CHRM3: variants seen among roughly 807,000 people sequenced by gnomAD.
CHRM3 encodes muscarinic acetylcholine receptor M3.
In CHRM3, 11 loss-of-function variants were observed where a neutral mutation model predicts 41.8. That is an observed-to-expected ratio of 0.26 (90% confidence interval 0.17 to 0.44). The LOEUF (loss-of-function observed/expected upper bound fraction) is 0.44. Ranked by LOEUF, CHRM3 falls within the 20% of genes least tolerant of loss-of-function variation. CHRM3 has a pLI of 1.00. For synonymous variants in CHRM3, 297 were observed against 301.4 expected (o/e 0.99, Z 0.15); for missense variants, 571 against 745.4 (o/e 0.77, Z 2.72).
intron 1 of CHRM3, among the ~76,000 whole-genome samples, chr1:239,479,195 C>T (rs376599981): frequency 6.2e-5 from 8 of 128,812 alleles, no homozygotes; most frequent in African/African-American, 2.0e-4. Context: ...AAAAACCACA[C>T]ACACACACAC....
intron 2 of CHRM3, among the ~76,000 whole-genome samples, chr1:239,497,530 A>G (rs954093182): frequency 1.3e-5 from 2 of 152,194 alleles, no homozygotes; most frequent in African/African-American, 4.8e-5. Flanking sequence ...TATCTGTTCC[A>G]AGGTCTTCCT....
At chr1:239,731,618 A>G (rs1663974845) in intron 5 of CHRM3, among the ~76,000 whole-genome samples, 2 of 151,994 alleles carry the variant, frequency 1.3e-5, no homozygotes, top group Non-Finnish European at 1.5e-5. Context: ...AAGGGAGGGT[A>G]GAGTGGAGTG....
At chr1:239,694,637 A>T (rs1660013591) in intron 5 of CHRM3, among the ~76,000 whole-genome samples, 1 of 152,170 alleles carries the variant, frequency 6.6e-6, no homozygotes, top group Non-Finnish European at 1.5e-5. Flanking sequence ...TACCTTAAGG[A>T]TCAGAGCTTA....
At chr1:239,761,996 G>C (rs1024881940) in intron 5 of CHRM3, among the ~76,000 whole-genome samples, 1 of 152,154 alleles carries the variant, frequency 6.6e-6, no homozygotes, top group African/African-American at 2.4e-5. Context: ...CCCGGGAGTA[G>C]ACTGGAATGA....
intron 4 of CHRM3, among the ~76,000 whole-genome samples, chr1:239,677,088 C>T (rs1223851311): frequency 5.3e-5 from 8 of 152,130 alleles, no homozygotes; most frequent in African/African-American, 1.9e-4. Flanking sequence ...ATACAAGACT[C>T]AGGTTAAAGA....
chr1:239,690,063 A>AGAGAGAG lies in CHRM3; in HGVS notation c.-147+11779_-147+11780insGAGGAGA, dbSNP rs3063607. On this transcript the variant is annotated intron_variant, in intron 5 of 6. Transcript: ENST00000676153. ...GAGAGACACAGAGAGAGAGAGAGAG[A>AGAGAGAG]GAGACAGAGAGAGTTGTTGGGTGGA... is the stretch of plus-strand genomic sequence containing the variant. Among the ~76,000 whole-genome samples the AGAGAGAG allele has an allele frequency of 2.5e-3, 370 of 150,642 alleles. 2 individuals are homozygous for AGAGAGAG. The highest frequency in any genetic ancestry group is 0.012 in the South Asian group (57 of 4,772).
At chr1:239,455,826 G>T (rs1165728687) in intron 1 of CHRM3, among the ~76,000 whole-genome samples, 3 of 152,148 alleles carry the variant, frequency 2.0e-5, no homozygotes, top group African/African-American at 7.2e-5. Flanking sequence ...TAAGTGTAAA[G>T]TGTTTATAAA....
intron 5 of CHRM3, chr1:239,707,336 A>AT (rs1262937011): frequency 6.6e-6 from 1 of 152,192 alleles, no homozygotes; most frequent in Non-Finnish European, 1.5e-5. Context: ...CTAAAAAAAA[A>AT]TTAGCTGCAT....
intron 6 of CHRM3, among the ~76,000 whole-genome samples, chr1:239,900,634 A>G (rs1331493995): frequency 1.3e-5 from 2 of 152,054 alleles, no homozygotes; most frequent in Non-Finnish European, 2.9e-5. Context: ...ATTGGGGAGC[A>G]CCAGGAATGT....
At chr1:239,867,700 G>T (rs1026965129) in intron 6 of CHRM3, among the ~76,000 whole-genome samples, 1 of 128,844 alleles carries the variant, frequency 7.8e-6, no homozygotes, top group African/African-American at 2.6e-5. Context: ...AAAAAAAAAA[G>T]TCGTGTCCAG....
intron 5 of CHRM3, among the ~76,000 whole-genome samples, chr1:239,696,665 A>T (rs943720990): frequency 1.3e-5 from 2 of 152,242 alleles, no homozygotes; most frequent in East Asian, 1.9e-4. Context: ...ATTCAGTAGC[A>T]TACTGGCACA....
At chr1:239,875,837 G>GGCAATATCAAATGAATTAAAAGGCA (rs1423843083) in intron 6 of CHRM3, among the ~76,000 whole-genome samples, 3 of 152,098 alleles carry the variant, frequency 2.0e-5, no homozygotes, top group Non-Finnish European at 2.9e-5. Flanking sequence ...TTTCTTCCAA[G>GGCAATATCAAATGAATTAAAAGGCA]GCAATATCAA....
intron 5 of CHRM3, among the ~76,000 whole-genome samples, chr1:239,759,168 TG>T (rs1558518433): frequency 0.026 from 3,576 of 136,580 alleles, 149 homozygotes; most frequent in East Asian, 0.12. Flanking sequence ...TTTTTTTTTT[TG>T]TTTTTTTTTT....
In CHRM3 at chr1:239,619,010, G is replaced by A. The variant is rs561501312; in HGVS notation, c.-312-13214G>A. On this transcript the variant is annotated intron_variant, in intron 3 of 6. Coordinates refer to ENST00000676153, the MANE Select transcript of CHRM3 (RefSeq NM_001375978.1). ...GCTCACTGCAACCTCCGCCTCCTGGGCTCAAGTAATTCTCTTGCCTCAGCC... is the reference window on the plus strand; with the variant it reads ...GCTCACTGCAACCTCCGCCTCCTGGACTCAAGTAATTCTCTTGCCTCAGCC... Among the ~76,000 whole-genome samples the A allele has an allele frequency of 1.3e-3, 201 of 151,318 alleles. 1 individual carries two copies. Among genetic ancestry groups the A allele is most frequent in the Middle Eastern group, 3.4e-3 (1 of 294 alleles).
At chr1:239,635,822 A>G (rs903311822) in intron 4 of CHRM3, among the ~76,000 whole-genome samples, 2 of 152,182 alleles carry the variant, frequency 1.3e-5, no homozygotes, top group African/African-American at 4.8e-5. Flanking sequence ...GCCCCCTGCA[A>G]GAGGCTTAGT....
chr1:239,857,152 A>G (rs1205385547), intron 6 of CHRM3, among the ~76,000 whole-genome samples: 1 of 152,180 alleles, frequency 6.6e-6, no homozygotes, highest in Admixed American at 6.5e-5. Flanking sequence ...AAAAACCAGG[A>G]GGGTAGAAAT....
chr1:239,556,311 C>T (rs1660351024), intron 3 of CHRM3, among the ~76,000 whole-genome samples: 1 of 151,956 alleles, frequency 6.6e-6, no homozygotes, highest in East Asian at 1.9e-4. Flanking sequence ...TGGAGTCATT[C>T]CTGACAATTT....
At chr1:239,674,014 G>T (rs746527342) in intron 4 of CHRM3, among the ~76,000 whole-genome samples, 7 of 152,024 alleles carry the variant, frequency 4.6e-5, no homozygotes, top group Non-Finnish European at 7.4e-5. Context: ...TCACATTTTT[G>T]GATTTTTCGG....
chr1:239,683,133 TGGG>T (rs938108105), intron 5 of CHRM3, among the ~76,000 whole-genome samples: 3 of 152,184 alleles, frequency 2.0e-5, no homozygotes, highest in South Asian at 4.1e-4. Context: ...TATTGACTTT[TGGG>T]TGTGATTATT....
Sources: gnomAD v4.1 joint callset for allele counts (sites outside exome capture counted in the v4.1 genomes callset) on GRCh38, gnomAD v4.1.1 for gene constraint, MANE v1.5 for transcripts, NCBI Gene and HGNC (gene_info 2026-07-23, HGNC 2026-07-21) for gene names.